The following ABCC11 variants were observed in gnomAD, a reference collection of about 807,000 sequenced individuals.
ABCC11 encodes the protein ATP-binding cassette sub-family C member 11.
A neutral mutation model predicts 149.3 loss-of-function variants in ABCC11; 135 were observed. The observed-to-expected ratio is 0.90, with a 90% CI of 0.79 to 1.04. The LOEUF (loss-of-function observed/expected upper bound fraction) is 1.04, where lower values mean the gene tolerates loss of function less well. ABCC11 is among the 50% of genes least tolerant of loss of function. The probability of loss-of-function intolerance (pLI) is 0.00; values close to 1 mark genes in which losing one functional copy is unlikely to be tolerated. For missense variants in ABCC11, 1,680 were observed against 1,722.1 expected, an observed-to-expected ratio of 0.98 and a Z score of 0.43; for synonymous variants, 665 against 671.4, an observed-to-expected ratio of 0.99 and a Z score of 0.15.
At chr16:48,230,750 C>T (rs1475735960) in intron 2 of ABCC11, among the ~76,000 whole-genome samples, 177 bp from the exon 3 acceptor site, 1 of 151,856 alleles carries the variant, frequency 6.6e-6, no homozygotes, top group Non-Finnish European at 1.5e-5. Flanking sequence ...GATCCCAGCA[C>T]TCGCTCTGAC....
chr16:48,213,048 A>T (rs1225438616), intron 10 of ABCC11, among the ~76,000 whole-genome samples: 1 of 152,236 alleles, frequency 6.6e-6, no homozygotes. Context: ...GTCCAGGGTC[A>T]CTAGACCTTC....
intron 20 of ABCC11, among the ~76,000 whole-genome samples, 189 bp downstream of exon 20, chr16:48,192,331 C>A (rs755908320): frequency 5.9e-5 from 9 of 152,126 alleles, no homozygotes; most frequent in Non-Finnish European, 1.3e-4. Flanking sequence ...GTACTCCCAG[C>A]TACTTGGGAG....
intron 6 of ABCC11, 99 bp downstream of exon 6, chr16:48,222,499 T>A (rs1969808978): frequency 2.0e-6 from 2 of 994,254 alleles, no homozygotes; most frequent in East Asian, 4.8e-5. Flanking sequence ...CTCCTTCCTC[T>A]TCTAACCCCC....
rs748394191 is a variant in ABCC11, at chr16:48,230,460, C to A, written c.213G>T (p.Met71Ile). The A allele has an allele frequency of 6.2e-7, 1 of 1,610,014 alleles. No homozygotes were observed. The highest frequency in any genetic ancestry group is 2.2e-5 in the East Asian group (1 of 44,722). Residue 71 changes from methionine (M) to isoleucine (I), a missense_variant, in exon 3 of 30, where the codon ATG (methionine) becomes ATT (isoleucine). Met to Ile is a conservative substitution (Grantham distance 10). Transcript: ENST00000356608. Reference protein sequence around the residue: ...WGKYDAALRTMIPFRPKPRFP... With the variant: ...WGKYDAALRTIIPFRPKPRFP... ...ACCTCGGCTTGGGACGGAAGGGAATCATGGTTCTCAAGGCAGCATCATACT... is the reference window on the plus strand; with the variant it reads ...ACCTCGGCTTGGGACGGAAGGGAATAATGGTTCTCAAGGCAGCATCATACT...
At chr16:48,209,471 A>C (rs1013586805) in intron 11 of ABCC11, 1 of 152,292 alleles carries the variant, frequency 6.6e-6, no homozygotes, top group African/African-American at 2.4e-5. Context: ...TGCAACCTGG[A>C]TCCCTCTCAT....
intron 1 of ABCC11, among the ~76,000 whole-genome samples, chr16:48,238,257 A>G (rs1257925871): frequency 6.6e-6 from 1 of 152,230 alleles, no homozygotes; most frequent in East Asian, 1.9e-4. Flanking sequence ...CACAGCACCT[A>G]GTAACCTGAT....
chr16:48,208,250 C>T (rs1474040041), intron 12 of ABCC11, among the ~76,000 whole-genome samples, 175 bp downstream of exon 12: 1 of 152,190 alleles, frequency 6.6e-6, no homozygotes, highest in Admixed American at 6.5e-5. Context: ...AGAGGGCCAC[C>T]TTGATCACGC....
At chr16:48,244,669 C>T (rs1971245043) in intron 1 of ABCC11, 1 of 1,277,078 alleles carries the variant, frequency 7.8e-7, no homozygotes, top group Non-Finnish European at 1.0e-6. Context: ...CGGCCTCCTC[C>T]GGGGACCTGG....
At chr16:48,244,404 C>G (rs755910224) in intron 1 of ABCC11, 13 of 1,569,190 alleles carry the variant, frequency 8.3e-6, no homozygotes, top group African/African-American at 2.8e-5. Context: ...ATCAGTGAGC[C>G]CCATCCAGAT....
At chr16:48,202,769 T>C (rs1248988231) in intron 14 of ABCC11, among the ~76,000 whole-genome samples, 1 of 152,174 alleles carries the variant, frequency 6.6e-6, no homozygotes, top group East Asian at 1.9e-4. Context: ...TATTAGACCA[T>C]TAATATCAAG....
At chr16:48,222,540 T>C (rs1969812586) in intron 6 of ABCC11, 58 bp downstream of exon 6, 4 of 1,466,916 alleles carry the variant, frequency 2.7e-6, no homozygotes, top group East Asian at 2.3e-5. Flanking sequence ...CCAGGGCAGT[T>C]ATGTCCGGAG....
At chr16:48,186,206 C>G (rs900115599) in intron 22 of ABCC11, among the ~76,000 whole-genome samples, 1 of 152,142 alleles carries the variant, frequency 6.6e-6, no homozygotes, top group African/African-American at 2.4e-5. Context: ...TACCGTCTCC[C>G]AAATGTGTGC....
chr16:48,217,283 G>T (rs751931525), intron 6 of ABCC11, among the ~76,000 whole-genome samples: 5 of 151,386 alleles, frequency 3.3e-5, no homozygotes, highest in Admixed American at 2.6e-4. Flanking sequence ...AGATTCTTCT[G>T]CCTACTTCCC....
rs1004302529 is a variant in ABCC11 at position 48,169,960 on chromosome 16, T to C, written c.3891+145A>G. 15 of 504,624 alleles carry C rather than the reference T, an allele frequency of 3.0e-5. 1 individual carries two copies. Among genetic ancestry groups the C allele is most frequent in the South Asian group, 1.1e-4 (4 of 37,956 alleles). The allele number at this position is 504,624 out of a possible 1,614,324, so 31.3% of individuals were successfully genotyped here. ...ATAAGCCCTTTGGATTCTGTTGCTG[T>C]TGTTGTTGTTGTTGTTGTTGTTGTT... is the stretch of plus-strand genomic sequence containing the variant. On this transcript the variant is annotated intron_variant, in intron 28 of 29. Transcript: ENST00000356608.
intron 18 of ABCC11, among the ~76,000 whole-genome samples, chr16:48,195,449 C>T (rs944900818): frequency 6.6e-6 from 1 of 152,200 alleles, no homozygotes; most frequent in Non-Finnish European, 1.5e-5. Flanking sequence ...CTACCTCTTC[C>T]TCCCCCAGGC....
chr16:48,239,959 C>G (rs1567297010), intron 1 of ABCC11, among the ~76,000 whole-genome samples: 1 of 152,148 alleles, frequency 6.6e-6, no homozygotes, highest in Admixed American at 6.5e-5. Context: ...AAATGCAAAT[C>G]AAAACCACAG....
At chr16:48,197,851 C>T (rs1172711725) in intron 17 of ABCC11, 120 bp downstream of exon 17, 3 of 1,056,736 alleles carry the variant, frequency 2.8e-6, no homozygotes, top group Non-Finnish European at 4.2e-6. Flanking sequence ...TATGTAAATG[C>T]TTAGGGTCTC....
At chr16:48,182,651 C>T (rs919890236) in intron 23 of ABCC11, among the ~76,000 whole-genome samples, 9 of 151,956 alleles carry the variant, frequency 5.9e-5, no homozygotes, top group Admixed American at 2.6e-4. Context: ...GGCATGGTGG[C>T]GGGCCCCTGT....
intron 6 of ABCC11, among the ~76,000 whole-genome samples, chr16:48,217,388 G>T (rs1969420109): frequency 6.6e-6 from 1 of 152,042 alleles, no homozygotes; most frequent in Admixed American, 6.6e-5. Context: ...TTGGGCCCAG[G>T]AGTTTGACAC....
Sources: gnomAD v4.1 joint callset for allele counts (sites outside exome capture counted in the v4.1 genomes callset) on GRCh38, gnomAD v4.1.1 for gene constraint, MANE v1.5 for transcripts, NCBI Gene and HGNC (gene_info 2026-07-23, HGNC 2026-07-21) for gene names.